GPRC5A: variants seen among roughly 807,000 people sequenced by gnomAD.
GPRC5A encodes the protein retinoic acid-induced protein 3.
Under a neutral mutation model 22.5 loss-of-function variants are expected in GPRC5A, and 19 were observed. The ratio of observed to expected loss-of-function variants is 0.85; its 90% CI spans 0.59 to 1.24. The LOEUF (loss-of-function observed/expected upper bound fraction) is 1.24, where lower values mean the gene tolerates loss of function less well. Ranked by LOEUF, GPRC5A falls within the 50% of genes most tolerant of loss-of-function variation. GPRC5A has a pLI of 0.00. For synonymous variants in GPRC5A, 192 were observed against 184.5 expected, an observed-to-expected ratio of 1.04 and a Z score of -0.33; for missense variants, 471 against 451.1, an observed-to-expected ratio of 1.04 and a Z score of -0.40.
At position 12,912,743 on chromosome 12, in the gene GPRC5A, G is replaced by T; in HGVS notation, c.*204G>T. Reference sequence around the variant, plus strand: ...GACTCCAGTTCTTAGAGGCGCTGTAGTATTTTTTTTTTTTTGTCTCATCCT... The same window carrying T: ...GACTCCAGTTCTTAGAGGCGCTGTATTATTTTTTTTTTTTTGTCTCATCCT... On this transcript the variant is annotated 3_prime_UTR_variant, in exon 4 of 4. Coordinates refer to ENST00000014914, the MANE Select transcript of GPRC5A (RefSeq NM_003979.4). The T allele has an allele frequency of 1.5e-5, 7 of 463,908 alleles. No homozygotes were observed. The highest frequency in any genetic ancestry group is 3.6e-5 in the South Asian group (1 of 27,624). 28.7% of individuals were successfully genotyped at this position (463,908 alleles called of 1,614,324 possible).
chr12:12,896,818 A>G (rs1373196273), intron 1 of GPRC5A, among the ~76,000 whole-genome samples: 2 of 152,188 alleles, frequency 1.3e-5, no homozygotes, highest in Admixed American at 1.3e-4. Flanking sequence ...GTTGTCTGAT[A>G]GGCAGCTCAG....
intron 1 of GPRC5A, among the ~76,000 whole-genome samples, chr12:12,900,891 C>CAAAAAAAAAAAAAAA (rs756416857): frequency 2.3e-3 from 50 of 21,534 alleles, no homozygotes; most frequent in Non-Finnish European, 3.5e-3. Flanking sequence ...AACTCCGTCT[C>CAAAAAAAAAAAAAAA]AAAAAAAAAA....
In GPRC5A at chr12:12,914,504, A is replaced by C. The variant is rs1384542098; in HGVS notation, c.*1965A>C. On this transcript the variant is annotated 3_prime_UTR_variant, in exon 4 of 4. Transcript: ENST00000014914. Reference sequence around the variant, plus strand: ...TAGGCTAGGGACTCAAGAAATGCATATTCCCCCCCCACTTTCTTTCTCTCT... The same window carrying C: ...TAGGCTAGGGACTCAAGAAATGCATCTTCCCCCCCCACTTTCTTTCTCTCT... The C allele has an allele frequency of 2.0e-5, 3 of 150,206 alleles. No homozygotes were observed. The highest frequency in any genetic ancestry group is 7.3e-5 in the African/African-American group (3 of 40,898). 9.3% of individuals were successfully genotyped at this position (150,206 alleles called of 1,614,324 possible).
rs890126601 is a variant in GPRC5A at position 12,916,976 on chromosome 12, C to G, written c.*4437C>G. 1.3e-5 allele frequency: 2 copies of G among 152,180 alleles called. No homozygotes were observed. The highest frequency in any genetic ancestry group is 2.9e-5 in the Non-Finnish European group (2 of 68,110). 9.4% of individuals were successfully genotyped at this position (152,180 alleles called of 1,614,324 possible). On this transcript the variant is annotated 3_prime_UTR_variant, in exon 4 of 4. Coordinates refer to ENST00000014914, the MANE Select transcript of GPRC5A (RefSeq NM_003979.4). The stretch of plus-strand genomic sequence containing the variant: ...TCTGCAGGTTTGCCACCGTCCCGGC[C>G]CCAGTCTGAAACATGGGATTATTTC...
intron 1 of GPRC5A, among the ~76,000 whole-genome samples, chr12:12,893,765 C>A (rs974978009): frequency 2.6e-5 from 4 of 151,890 alleles, no homozygotes; most frequent in Admixed American, 2.6e-4. Context: ...TTTTTGTTTT[C>A]GTTTTTTTGA....
At chr12:12,911,611 C>T (rs1197925103) in intron 2 of GPRC5A, among the ~76,000 whole-genome samples, 1 of 152,018 alleles carries the variant, frequency 6.6e-6, no homozygotes, top group Admixed American at 6.6e-5. Context: ...GCCTCAGCCT[C>T]CCGAGTAGCT....
intron 1 of GPRC5A, among the ~76,000 whole-genome samples, chr12:12,904,114 G>A (rs1863916437): frequency 1.3e-5 from 2 of 152,116 alleles, no homozygotes; most frequent in Non-Finnish European, 2.9e-5. Flanking sequence ...GAGACACAGT[G>A]AAGTGCACAG....
chr12:12,900,285 G>C (rs533373503), intron 1 of GPRC5A, among the ~76,000 whole-genome samples: 9 of 152,292 alleles, frequency 5.9e-5, no homozygotes, highest in African/African-American at 2.2e-4. Context: ...ATGAGGATGA[G>C]GGGGAGAAAG....
chr12:12,906,426 G>A (rs939923366), intron 1 of GPRC5A, among the ~76,000 whole-genome samples: 8 of 151,950 alleles, frequency 5.3e-5, no homozygotes, highest in South Asian at 2.1e-4. Context: ...AAAAATTAGC[G>A]GGGTGTGGTG....
chr12:12,911,682 G>A (rs973459575), intron 2 of GPRC5A, among the ~76,000 whole-genome samples: 1 of 151,976 alleles, frequency 6.6e-6, no homozygotes, highest in Non-Finnish European at 1.5e-5. Context: ...TAGAGATGGG[G>A]TTTCACCTTG....
At position 12,914,146 on chromosome 12, in the gene GPRC5A, C is replaced by T. The variant is rs1052518511; in HGVS notation, c.*1607C>T. 6.6e-6 allele frequency: 1 copy of T among 152,376 alleles called. No homozygotes were observed. The highest frequency in any genetic ancestry group is 1.5e-5 in the Non-Finnish European group (1 of 68,038). The allele number at this position is 152,376 out of a possible 1,614,324, so 9.4% of individuals were successfully genotyped here. A position where few individuals can be genotyped will look rare whatever the true frequency, so the allele number is the denominator to read the frequency against. The stretch of plus-strand genomic sequence containing the variant: ...TCGTTATGGAAAAAAAATAATCCCT[C>T]TACATAGAAACTGAGTGACATGTAA... On this transcript the variant is annotated 3_prime_UTR_variant, in exon 4 of 4. Coordinates refer to ENST00000014914, the MANE Select transcript of GPRC5A (RefSeq NM_003979.4).
Position 12,898,987 on chromosome 12 carries a change from A to G in GPRC5A, c.-8+7323A>G, listed in dbSNP as rs975126839. Among the ~76,000 whole-genome samples, 7 of 152,254 alleles carry G rather than the reference A, an allele frequency of 4.6e-5. No homozygotes were observed. The East Asian group carries it at 1.3e-3, about 29-fold the overall frequency. On this transcript the variant is annotated intron_variant, in intron 1 of 3. Coordinates refer to ENST00000014914, the MANE Select transcript of GPRC5A (RefSeq NM_003979.4). ...TTCTTAGTTGTATGTCAGTGTGATT[A>G]TTATTCATTCCAAGGGCAGTGGCCA... is the stretch of plus-strand genomic sequence containing the variant.
chr12:12,912,491 T>G lies in GPRC5A; in HGVS notation c.1026T>G (p.Ala342=). 1 of 1,613,302 alleles carries G rather than the reference T, an allele frequency of 6.2e-7. No individual in the cohort carries two copies. Among genetic ancestry groups the G allele is most frequent in the Non-Finnish European group, 8.5e-7 (1 of 1,179,200 alleles). The change falls in exon 4 of 4, where the codon GCT becomes GCG. Residue 342 remains alanine (A), a synonymous_variant. Transcript: ENST00000014914. ...QKEFSIPRAH[A]WPSPYKDYEV... is the part of the protein sequence containing the mutation. ...AATTCTCCATCCCACGGGCCCACGC[T>G]TGGCCGAGCCCTTACAAAGACTATG...
chr12:12,895,585 G>T lies in GPRC5A; in HGVS notation c.-8+3921G>T, dbSNP rs1473673472. ...GAAAGATAGGCTTGTAAGGAGAGGT[G>T]ATCAGTTTAGCTTTGAACTTGTTGG... is the stretch of plus-strand genomic sequence containing the variant. On this transcript the variant is annotated intron_variant, in intron 1 of 3. Transcript: ENST00000014914. Among the ~76,000 whole-genome samples the T allele has an allele frequency of 1.3e-5, 2 of 151,694 alleles. 1 individual carries two copies. The highest frequency in any genetic ancestry group is 3.9e-4 in the East Asian group (2 of 5,188).
At chr12:12,907,435 A>G (rs1241204914) in intron 1 of GPRC5A, among the ~76,000 whole-genome samples, 2 of 151,102 alleles carry the variant, frequency 1.3e-5, no homozygotes, top group Non-Finnish European at 3.0e-5. Flanking sequence ...AGAAAAATCT[A>G]CCATTCAGAT....
intron 1 of GPRC5A, among the ~76,000 whole-genome samples, chr12:12,898,717 A>G (rs905518460): frequency 1.3e-5 from 2 of 152,176 alleles, no homozygotes; most frequent in South Asian, 2.1e-4. Context: ...AGGCTCTGAC[A>G]GTGGTGCCAC....
At chr12:12,899,317 G>A (rs1331348643) in intron 1 of GPRC5A, among the ~76,000 whole-genome samples, 1 of 152,146 alleles carries the variant, frequency 6.6e-6, no homozygotes, top group Non-Finnish European at 1.5e-5. Flanking sequence ...GGGATTACAG[G>A]CGTAAGCTAC....
intron 1 of GPRC5A, among the ~76,000 whole-genome samples, chr12:12,903,222 G>A (rs1465391166): frequency 6.6e-6 from 1 of 152,094 alleles, no homozygotes; most frequent in Non-Finnish European, 1.5e-5. Context: ...GAAATGAAGT[G>A]CTGGATACAT....
intron 1 of GPRC5A, among the ~76,000 whole-genome samples, chr12:12,896,110 T>C (rs1863820679): frequency 6.6e-6 from 1 of 151,982 alleles, no homozygotes; most frequent in Non-Finnish European, 1.5e-5. Flanking sequence ...GAAGCTTCAC[T>C]CAAATATTAA....
Sources: allele counts gnomAD v4.1 joint callset (sites outside exome capture counted in the v4.1 genomes callset), GRCh38; gene constraint gnomAD v4.1.1; transcripts MANE v1.5; gene names NCBI Gene and HGNC (gene_info 2026-07-23, HGNC 2026-07-21).